Variants in ROBO1 observed in about 807,000 individuals in gnomAD.
ROBO1 encodes the protein roundabout homolog 1.
ROBO1 carries 149 observed loss-of-function variants against 195.9 expected under a neutral mutation model. That is an observed-to-expected ratio of 0.76 (90% CI 0.67 to 0.87). The LOEUF (loss-of-function observed/expected upper bound fraction) is 0.87, where lower values mean the gene tolerates loss of function less well. ROBO1 is among the 40% of genes least tolerant of loss of function. ROBO1 has a pLI of 0.00. For synonymous variants in ROBO1, 816 were observed against 733.2 expected (o/e 1.11, Z -1.82); for missense variants, 1,933 against 2,068.3 (o/e 0.93, Z 1.27).
chr3:79,638,602 C>A (rs986309798), intron 1 of ROBO1, among the ~76,000 whole-genome samples: 1 of 152,040 alleles, frequency 6.6e-6, no homozygotes, highest in Non-Finnish European at 1.5e-5. Flanking sequence ...TTTTGAAGAA[C>A]CTGACAAGCA....
intron 1 of ROBO1, among the ~76,000 whole-genome samples, chr3:79,658,275 T>C (rs534643344): frequency 3.0e-4 from 45 of 152,124 alleles, no homozygotes; most frequent in Non-Finnish European, 5.1e-4. Context: ...TAATTTTTCC[T>C]AGAGCACAAT....
chr3:79,275,400 T>C (rs192645323), intron 2 of ROBO1, among the ~76,000 whole-genome samples: 1 of 151,972 alleles, frequency 6.6e-6, no homozygotes, highest in East Asian at 1.9e-4. Flanking sequence ...TTTCAATTGA[T>C]GCTGAAAAAG....
chr3:78,602,807 C>G (rs990236986), intron 29 of ROBO1, among the ~76,000 whole-genome samples: 1 of 152,158 alleles, frequency 6.6e-6, no homozygotes, highest in East Asian at 1.9e-4. Context: ...ACCTGTTGAA[C>G]ATTGACCTCA....
At chr3:79,337,198 C>T (rs1371232928) in intron 2 of ROBO1, among the ~76,000 whole-genome samples, 1 of 152,010 alleles carries the variant, frequency 6.6e-6, no homozygotes, top group African/African-American at 2.4e-5. Flanking sequence ...CTTTGGGGGA[C>T]TGTTGGAATT....
intron 2 of ROBO1, among the ~76,000 whole-genome samples, chr3:79,149,906 T>A (rs909013065): frequency 2.2e-4 from 34 of 151,890 alleles, no homozygotes; most frequent in African/African-American, 7.7e-4. Flanking sequence ...CTCTGGCACA[T>A]TTCAAAATGG....
Position 78,717,992 on chromosome 3 carries a change from T to A in ROBO1, c.658-109A>T. On this transcript the variant is annotated intron_variant, in intron 5 of 30. Transcript: ENST00000464233. ...CTTTCTAAGCATATAAATCAAAGCA[T>A]AATTACATCAACAGCTGATATGTAG... The A allele has an allele frequency of 3.8e-6, 4 of 1,046,938 alleles. 1 individual carries two copies. Among genetic ancestry groups the A allele is most frequent in the Non-Finnish European group, 5.6e-6 (4 of 714,292 alleles). The allele number at this position is 1,046,938 out of a possible 1,614,324, so 64.9% of individuals were successfully genotyped here.
At chr3:79,193,542 T>G (rs754737918) in intron 2 of ROBO1, among the ~76,000 whole-genome samples, 2 of 150,536 alleles carry the variant, frequency 1.3e-5, no homozygotes, top group Non-Finnish European at 3.0e-5. Flanking sequence ...AAAGCCTAGA[T>G]ATATTTACCT....
chr3:79,407,000 C>A (rs1271311483), intron 2 of ROBO1, among the ~76,000 whole-genome samples: 1 of 152,086 alleles, frequency 6.6e-6, no homozygotes, highest in East Asian at 1.9e-4. Context: ...CTCACCGCAA[C>A]CTCCACCTCT....
intron 2 of ROBO1, among the ~76,000 whole-genome samples, chr3:79,475,205 C>T (rs74319150): frequency 1.3e-5 from 2 of 151,836 alleles, no homozygotes; most frequent in African/African-American, 4.8e-5. Flanking sequence ...AATCAACTTT[C>T]AAATGCAGGT....
At chr3:78,905,459 G>T (rs1030811373) in intron 4 of ROBO1, among the ~76,000 whole-genome samples, 6 of 152,078 alleles carry the variant, frequency 3.9e-5, no homozygotes, top group African/African-American at 1.4e-4. Flanking sequence ...GCAACATAGA[G>T]GGACCCTAAA....
intron 1 of ROBO1, among the ~76,000 whole-genome samples, chr3:79,706,496 T>C (rs1947773426): frequency 6.6e-6 from 1 of 152,136 alleles, no homozygotes; most frequent in Non-Finnish European, 1.5e-5. Flanking sequence ...AGATAAATCC[T>C]ATTTTGTAAT....
At chr3:79,470,901 CA>C (rs1938237273) in intron 2 of ROBO1, among the ~76,000 whole-genome samples, 1 of 152,060 alleles carries the variant, frequency 6.6e-6, no homozygotes, top group Non-Finnish European at 1.5e-5. Context: ...CAGATTAATA[CA>C]GTAAATATTT....
intron 3 of ROBO1, among the ~76,000 whole-genome samples, chr3:79,044,316 C>T (rs958129205): frequency 3.9e-5 from 6 of 152,022 alleles, no homozygotes; most frequent in Admixed American, 1.3e-4. Context: ...CAATTTGCAC[C>T]TTACTATTTT....
At chr3:79,679,773 A>C (rs1414598964) in intron 1 of ROBO1, among the ~76,000 whole-genome samples, 1 of 151,980 alleles carries the variant, frequency 6.6e-6, no homozygotes, top group Non-Finnish European at 1.5e-5. Flanking sequence ...AATGTGAGAA[A>C]AAGGAAAAAA....
At chr3:78,707,841 G>C (rs1559768852) in intron 8 of ROBO1, among the ~76,000 whole-genome samples, 1 of 152,182 alleles carries the variant, frequency 6.6e-6, no homozygotes, top group Non-Finnish European at 1.5e-5. Flanking sequence ...CAGCCCTCAA[G>C]AGAAACAAGA....
At chr3:79,254,170 A>G (rs1252914438) in intron 2 of ROBO1, among the ~76,000 whole-genome samples, 1 of 152,206 alleles carries the variant, frequency 6.6e-6, no homozygotes, top group Non-Finnish European at 1.5e-5. Context: ...GAAACATTTG[A>G]CCATTTAACT....
intron 2 of ROBO1, among the ~76,000 whole-genome samples, chr3:79,201,590 T>C (rs1649047946): frequency 6.6e-6 from 1 of 151,962 alleles, no homozygotes; most frequent in Non-Finnish European, 1.5e-5. Context: ...ACATTTGTTC[T>C]CTGAACCACA....
intron 4 of ROBO1, among the ~76,000 whole-genome samples, chr3:78,899,463 C>T (rs2037452640): frequency 6.6e-6 from 1 of 152,124 alleles, no homozygotes; most frequent in South Asian, 2.1e-4. Flanking sequence ...TTATGCCACA[C>T]TTGAGGTAGT....
chr3:79,546,969 C>G (rs1246274063), intron 2 of ROBO1, among the ~76,000 whole-genome samples: 1 of 151,828 alleles, frequency 6.6e-6, no homozygotes, highest in Non-Finnish European at 1.5e-5. Flanking sequence ...ATCACGAGGT[C>G]AGGAGATCAA....
Sources: gnomAD v4.1 joint callset for allele counts (sites outside exome capture counted in the v4.1 genomes callset) on GRCh38, gnomAD v4.1.1 for gene constraint, MANE v1.5 for transcripts, NCBI Gene and HGNC (gene_info 2026-07-23, HGNC 2026-07-21) for gene names.